Variants in KANSL1 observed in about 807,000 individuals in gnomAD.
KANSL1 encodes the protein MLL1/MLL complex subunit KANSL1.
In KANSL1, 22 loss-of-function variants were observed where a neutral mutation model predicts 103.6. The observed-to-expected ratio is 0.21, with a 90% CI of 0.15 to 0.30. The LOEUF is 0.30. KANSL1 is among the 10% of genes least tolerant of loss of function. The probability of loss-of-function intolerance (pLI) is 1.00; values close to 1 mark genes in which losing one functional copy is unlikely to be tolerated. For missense variants in KANSL1, 1,337 were observed against 1,399.8 expected, an observed-to-expected ratio of 0.96 and a Z score of 0.72; for synonymous variants, 600 against 527.6, an observed-to-expected ratio of 1.14 and a Z score of -1.88.
intron 6 of KANSL1, among the ~76,000 whole-genome samples, chr17:46,060,331 A>G (rs969991362): frequency 9.9e-5 from 15 of 152,228 alleles, no homozygotes; most frequent in Non-Finnish European, 1.9e-4. Flanking sequence ...ACTCTATCAC[A>G]ATCAAGCATA....
chr17:46,125,808 T>C (rs1379291475), intron 2 of KANSL1, among the ~76,000 whole-genome samples: 1 of 152,210 alleles, frequency 6.6e-6, no homozygotes, highest in African/African-American at 2.4e-5. Context: ...TTCATTTCCA[T>C]TCTCAAGCTT....
intron 3 of KANSL1, among the ~76,000 whole-genome samples, chr17:46,083,209 G>A (rs551075914): frequency 1.2e-4 from 18 of 152,150 alleles, no homozygotes; most frequent in African/African-American, 3.9e-4. Flanking sequence ...TACATATAAT[G>A]AGCCAGGATG....
At chr17:46,088,833 G>A (rs1323804566) in intron 3 of KANSL1, among the ~76,000 whole-genome samples, 4 of 152,204 alleles carry the variant, frequency 2.6e-5, no homozygotes, top group Non-Finnish European at 5.9e-5. Context: ...AGGTTACAAA[G>A]AACTATGATC....
At chr17:46,211,901 A>G (rs2048179297) in intron 1 of KANSL1, among the ~76,000 whole-genome samples, 1 of 152,264 alleles carries the variant, frequency 6.6e-6, no homozygotes, top group Non-Finnish European at 1.5e-5. Context: ...ACAGGATAGA[A>G]GTGCTATCAG....
intron 10 of KANSL1, 168 bp from the exon 11 acceptor site, chr17:46,034,453 C>CA: frequency 1.6e-6 from 1 of 616,928 alleles, no homozygotes; most frequent in South Asian, 1.8e-5. Context: ...TCTCCAACAG[C>CA]AAAAAACCTC....
chr17:46,089,623 T>C (rs916328677), intron 3 of KANSL1, among the ~76,000 whole-genome samples: 1 of 134,000 alleles, frequency 7.5e-6, no homozygotes, highest in Non-Finnish European at 1.7e-5. Flanking sequence ...TGGTGCAGCA[T>C]GGAAAATATG....
chr17:46,198,426 A>ATT (rs1567797046), upstream of KANSL1, among the ~76,000 whole-genome samples: 3 of 90,520 alleles, frequency 3.3e-5, no homozygotes, highest in Non-Finnish European at 5.0e-5. Context: ...TTTAATTAAA[A>ATT]AAAAAAAAAA....
intron 1 of KANSL1, among the ~76,000 whole-genome samples, chr17:46,199,027 A>C (rs1370482470): frequency 6.6e-6 from 1 of 152,256 alleles, no homozygotes; most frequent in Non-Finnish European, 1.5e-5. Context: ...AAACTGAGGC[A>C]TGTTCTCACA....
chr17:46,145,382 T>C (rs972360791), intron 2 of KANSL1, among the ~76,000 whole-genome samples: 9 of 152,264 alleles, frequency 5.9e-5, no homozygotes, highest in African/African-American at 1.7e-4. Context: ...ATAAACTTTC[T>C]ACCTCTACTT....
chr17:46,039,924 C>G (rs746960601), intron 7 of KANSL1, 40 bp from the exon 8 acceptor site: 1 of 1,587,976 alleles, frequency 6.3e-7, no homozygotes, highest in Admixed American at 1.7e-5. Flanking sequence ...GTCCAAACAC[C>G]TGGCCTCTCT....
At chr17:46,154,238 G>C (rs1349381081) in intron 2 of KANSL1, among the ~76,000 whole-genome samples, 1 of 152,174 alleles carries the variant, frequency 6.6e-6, no homozygotes, top group Non-Finnish European at 1.5e-5. Context: ...TAAATTATAC[G>C]TTACTGGCAA....
At chr17:46,117,759 T>C (rs773575807) in intron 2 of KANSL1, among the ~76,000 whole-genome samples, 3 of 152,138 alleles carry the variant, frequency 2.0e-5, no homozygotes, top group Non-Finnish European at 4.4e-5. Flanking sequence ...GGAAAACAAT[T>C]TGCATTTTAA....
chr17:46,100,710 C>T (rs1467364729), intron 2 of KANSL1, among the ~76,000 whole-genome samples: 1 of 152,170 alleles, frequency 6.6e-6, no homozygotes, highest in East Asian at 1.9e-4. Flanking sequence ...AGGCCTAGTG[C>T]CTCTAATTAA....
chr17:46,031,946 A>C (rs2077020918), intron 14 of KANSL1, 101 bp downstream of exon 14: 4 of 1,544,538 alleles, frequency 2.6e-6, no homozygotes, highest in Non-Finnish European at 3.5e-6. Context: ...TGTCCCTTCA[A>C]AAGGGGGAGG....
intron 5 of KANSL1, 65 bp downstream of exon 5, chr17:46,067,484 A>G: frequency 1.0e-6 from 1 of 979,038 alleles, no homozygotes; most frequent in Non-Finnish European, 1.7e-6. Flanking sequence ...GCTAAAGAGA[A>G]CTAAGAGCTC....
intron 7 of KANSL1, chr17:46,040,215 A>G (rs1343891507): frequency 6.0e-6 from 2 of 334,802 alleles, no homozygotes; most frequent in African/African-American, 2.1e-5. Context: ...ATTTAAAAAC[A>G]TATTTAAGCC....
intron 10 of KANSL1, among the ~76,000 whole-genome samples, chr17:46,036,391 G>A (rs1160175638): frequency 1.3e-5 from 2 of 151,940 alleles, no homozygotes; most frequent in Non-Finnish European, 2.9e-5. Context: ...TTGTATCCAT[G>A]GGTTCAACCA....
chr17:46,173,655 A>T (rs939821853), intron 1 of KANSL1, among the ~76,000 whole-genome samples: 1 of 152,252 alleles, frequency 6.6e-6, no homozygotes, highest in Non-Finnish European at 1.5e-5. Flanking sequence ...AGAGTACAAA[A>T]ACAAAGGTGA....
At chr17:46,087,851 G>A (rs1177013489) in intron 3 of KANSL1, among the ~76,000 whole-genome samples, 2 of 136,234 alleles carry the variant, frequency 1.5e-5, no homozygotes, top group Non-Finnish European at 3.4e-5. Flanking sequence ...GAAAAGAAAG[G>A]TTAGCATTAG....
Sources: gnomAD v4.1 joint callset for allele counts (sites outside exome capture counted in the v4.1 genomes callset) on GRCh38, gnomAD v4.1.1 for gene constraint, MANE v1.5 for transcripts, NCBI Gene and HGNC (gene_info 2026-07-23, HGNC 2026-07-21) for gene names.